The following NAALADL2 variants were observed in gnomAD, a reference collection of about 807,000 sequenced individuals.
NAALADL2 encodes N-acetylated alpha-linked acidic dipeptidase like 2, also known as inactive N-acetylated-alpha-linked acidic dipeptidase-like protein 2.
Under a neutral mutation model 87.2 loss-of-function variants are expected in NAALADL2, and 76 were observed. The ratio of observed to expected loss-of-function variants is 0.87; its 90% confidence interval spans 0.72 to 1.05. The LOEUF (loss-of-function observed/expected upper bound fraction) is 1.05, where lower values mean the gene tolerates loss of function less well. NAALADL2 is among the 50% of genes least tolerant of loss of function. NAALADL2 has a pLI of 0.00. For synonymous variants in NAALADL2, 354 were observed against 331.0 expected (o/e 1.07, Z -0.75); for missense variants, 1,089 against 945.8 (o/e 1.15, Z -1.99).
chr3:174,892,166 G>A (rs1218957552), intron 1 of NAALADL2, among the ~76,000 whole-genome samples: 1 of 152,086 alleles, frequency 6.6e-6, no homozygotes, highest in African/African-American at 2.4e-5. Flanking sequence ...TCCAGACACT[G>A]AAGAACATCT....
intron 4 of NAALADL2, among the ~76,000 whole-genome samples, chr3:175,300,554 G>A (rs1756927878): frequency 6.6e-6 from 1 of 151,930 alleles, no homozygotes; most frequent in South Asian, 2.1e-4. Context: ...ATTTCTTCTA[G>A]ATTTTCTAGT....
In NAALADL2 at chr3:175,500,725, A is replaced by G. The variant is rs117459461; in HGVS notation, c.1653+28967A>G. Among the ~76,000 whole-genome samples the G allele has an allele frequency of 1.4e-4, 21 of 152,248 alleles. No individual in the cohort carries two copies. The East Asian group carries it at 4.1e-3, about 29-fold the overall frequency. On this transcript the variant is annotated intron_variant, in intron 9 of 13. Coordinates refer to ENST00000454872, the MANE Select transcript of NAALADL2 (RefSeq NM_207015.3). ...TGCTATTATTATCTCCATCTTACAG[A>G]TGAAGAAAGTGGCGCATAGAGAAAT...
chr3:174,769,996 C>T (rs900918103), intron 3 of NAALADL2, among the ~76,000 whole-genome samples: 3 of 151,908 alleles, frequency 2.0e-5, no homozygotes, highest in African/African-American at 7.2e-5. Flanking sequence ...ATATTAGATG[C>T]CCATCTTTAG....
intron 2 of NAALADL2, among the ~76,000 whole-genome samples, chr3:175,175,452 C>T (rs1735567404): frequency 6.6e-6 from 1 of 152,110 alleles, no homozygotes; most frequent in African/African-American, 2.4e-5. Flanking sequence ...ATTTTAACTA[C>T]TTTGCTCTTT....
rs935804703 is a variant in NAALADL2 at position 174,820,838 on chromosome 3, TA to T, written c.-9+83101del. Among the ~76,000 whole-genome samples, 241 of 151,548 alleles carry T rather than the reference TA, an allele frequency of 1.6e-3. 2 individuals are homozygous for T. Among genetic ancestry groups the T allele is most frequent in the African/African-American group, 4.7e-3 (194 of 41,412 alleles). On this transcript the variant is annotated intron_variant, in intron 3 of 3. Transcript: ENST00000434257. ...TTGAAATATGTGGTATATGTTTTTTTAAAAAAAAACATTTGTTCCTATTCAT... is the reference window on the plus strand; with the variant it reads ...TTGAAATATGTGGTATATGTTTTTTTAAAAAAAACATTTGTTCCTATTCAT...
Position 175,462,449 on chromosome 3 carries a change from G to A in NAALADL2, c.1235-952G>A, listed in dbSNP as rs983352161. The stretch of plus-strand genomic sequence containing the variant: ...TTTAATTTGTTTGAAAGTGTACCTT[G>A]AGGGAAAGAAGTAATATATTTATTA... On this transcript the variant is annotated intron_variant, in intron 6 of 13. Coordinates refer to ENST00000454872, the MANE Select transcript of NAALADL2 (RefSeq NM_207015.3). Among the ~76,000 whole-genome samples, 10 of 152,238 alleles carry A rather than the reference G, an allele frequency of 6.6e-5. No individual in the cohort carries two copies. In the East Asian group the frequency reaches 7.7e-4, roughly 12 times the overall value.
At chr3:175,264,123 C>T (rs898247643) in intron 4 of NAALADL2, among the ~76,000 whole-genome samples, 1 of 151,812 alleles carries the variant, frequency 6.6e-6, no homozygotes, top group Admixed American at 6.6e-5. Flanking sequence ...CACAGCATTG[C>T]AGGATGCAAG....
chr3:174,870,205 T>C (rs1251235399), intron 1 of NAALADL2, among the ~76,000 whole-genome samples: 1 of 152,048 alleles, frequency 6.6e-6, no homozygotes. Flanking sequence ...GCCCCCAAAA[T>C]CCTACTTCAT....
chr3:174,452,916 G>A (rs80069891), intron 1 of NAALADL2, among the ~76,000 whole-genome samples: 7,665 of 152,190 alleles, frequency 0.05, 263 homozygotes, highest in South Asian at 0.11. Context: ...TCCAGCAAGC[G>A]TTCTGAACTG....
At position 174,859,355 on chromosome 3, in the gene NAALADL2, GGTAA is replaced by G; in HGVS notation, c.-50_-47del. 2.2e-6 allele frequency: 3 copies of G among 1,361,394 alleles called. No homozygotes were observed. The highest frequency in any genetic ancestry group is 3.1e-6 in the Non-Finnish European group (3 of 962,100). 84.3% of individuals were successfully genotyped at this position (1,361,394 alleles called of 1,614,324 possible). A position where few individuals can be genotyped will look rare whatever the true frequency, so the allele number is the denominator to read the frequency against. The stretch of plus-strand genomic sequence containing the variant: ...AGTCAGAAGGTCACAAAGCTTGCAG[GGTAA>G]GTGACACAACTTGAAACTGCTTGGC... On this transcript the variant is annotated 5_prime_UTR_variant, in exon 1 of 14. Transcript: ENST00000454872.
intron 5 of NAALADL2, among the ~76,000 whole-genome samples, chr3:175,356,612 A>AATAATAATAAT (rs1367197145): frequency 1.0e-5 from 1 of 98,994 alleles, no homozygotes; most frequent in Non-Finnish European, 2.3e-5. Flanking sequence ...ATAATAATAA[A>AATAATAATAAT]GAAATAAAAG....
chr3:175,006,839 T>C (rs1749092369), intron 1 of NAALADL2, among the ~76,000 whole-genome samples: 1 of 151,540 alleles, frequency 6.6e-6, no homozygotes, highest in African/African-American at 2.4e-5. Flanking sequence ...CATACTTTTG[T>C]TGAGCCTTTT....
At chr3:175,717,509 T>C (rs1266266679) in intron 11 of NAALADL2, among the ~76,000 whole-genome samples, 4 of 151,968 alleles carry the variant, frequency 2.6e-5, no homozygotes, top group South Asian at 2.1e-4. Flanking sequence ...CTGGCCAACA[T>C]GGCAAAACCC....
chr3:175,295,106 T>C (rs1293289978), intron 4 of NAALADL2, among the ~76,000 whole-genome samples: 3 of 152,328 alleles, frequency 2.0e-5, no homozygotes, highest in Non-Finnish European at 4.4e-5. Flanking sequence ...TGGCACAGAA[T>C]GTGTCTAGTA....
At chr3:174,919,563 C>G (rs180833590) in intron 1 of NAALADL2, among the ~76,000 whole-genome samples, 1 of 152,092 alleles carries the variant, frequency 6.6e-6, no homozygotes. Context: ...AGTTTTCTTG[C>G]TGCTTCCACC....
Position 175,803,211 on chromosome 3 carries a change from C to CGA in NAALADL2, c.*8_*9insGA. ...TTGGATGGGAAGAATTGAGAAAACT[C>CGA]TGAGCATTTTTAAAAGTTTGTTTAC... On this transcript the variant is annotated 3_prime_UTR_variant, in exon 14 of 14. Coordinates refer to ENST00000454872, the MANE Select transcript of NAALADL2 (RefSeq NM_207015.3). 1 of 1,577,832 alleles carries CGA rather than the reference C, an allele frequency of 6.3e-7. No homozygotes were observed. Among genetic ancestry groups the CGA allele is most frequent in the Admixed American group, 1.8e-5 (1 of 55,512 alleles).
At chr3:175,079,687 CTATT>C (rs1200968233) in intron 1 of NAALADL2, among the ~76,000 whole-genome samples, 1 of 152,074 alleles carries the variant, frequency 6.6e-6, no homozygotes, top group African/African-American at 2.4e-5. Flanking sequence ...GGGAAAGTGA[CTATT>C]TATGTGCATA....
chr3:174,991,488 T>G (rs1489979024), intron 1 of NAALADL2, among the ~76,000 whole-genome samples: 1 of 152,100 alleles, frequency 6.6e-6, no homozygotes, highest in African/African-American at 2.4e-5. Context: ...ATTTGATATA[T>G]GTTTTATTTA....
chr3:175,624,800 A>T (rs180934991), intron 10 of NAALADL2, among the ~76,000 whole-genome samples: 12 of 151,944 alleles, frequency 7.9e-5, no homozygotes, highest in Non-Finnish European at 1.5e-4. Context: ...ACATATCTGG[A>T]TTAATTGAAA....
Sources: allele counts gnomAD v4.1 joint callset (sites outside exome capture counted in the v4.1 genomes callset), GRCh38; gene constraint gnomAD v4.1.1; transcripts MANE v1.5; gene names NCBI Gene and HGNC (gene_info 2026-07-23, HGNC 2026-07-21).